TRPM6: variants seen among roughly 807,000 people sequenced by gnomAD.
TRPM6 encodes the protein channel kinase 2.
TRPM6 carries 111 observed loss-of-function variants against 247.6 expected under a neutral mutation model. That is an observed-to-expected ratio of 0.45 (90% CI 0.38 to 0.52). The LOEUF is 0.52. TRPM6 is among the 20% of genes least tolerant of loss of function. TRPM6 has a pLI of 0.00. For missense variants in TRPM6, 2,126 were observed against 2,421.5 expected, an observed-to-expected ratio of 0.88 and a Z score of 2.56; for synonymous variants, 892 against 853.8, an observed-to-expected ratio of 1.04 and a Z score of -0.78.
At chr9:74,785,773 T>C in intron 21 of TRPM6, 101 bp downstream of exon 21, 3 of 1,340,484 alleles carry the variant, frequency 2.2e-6, no homozygotes, top group Non-Finnish European at 3.2e-6. Flanking sequence ...TCCGCCCGCC[T>C]TGGCCTCCCA....
chr9:74,798,012 T>C (rs2118991686), intron 17 of TRPM6, among the ~76,000 whole-genome samples: 1 of 152,314 alleles, frequency 6.6e-6, no homozygotes, highest in South Asian at 2.1e-4. Flanking sequence ...TTTTTCATTA[T>C]ATTGCTATTA....
intron 24 of TRPM6, among the ~76,000 whole-genome samples, chr9:74,773,428 A>G: frequency 6.6e-6 from 1 of 152,234 alleles, no homozygotes; most frequent in Non-Finnish European, 1.5e-5. Context: ...TCACAGCTGT[A>G]TACCTTCTCT....
chr9:74,783,517 C>A (rs1827536153), intron 21 of TRPM6, among the ~76,000 whole-genome samples: 1 of 152,168 alleles, frequency 6.6e-6, no homozygotes. Flanking sequence ...TTTCTCCATC[C>A]CTCTCACTCC....
intron 14 of TRPM6, 136 bp downstream of exon 14, chr9:74,807,898 A>T: frequency 2.1e-6 from 2 of 967,378 alleles, no homozygotes; most frequent in Non-Finnish European, 3.3e-6. Flanking sequence ...TACTTCACAT[A>T]CAGCAGATAA....
intron 24 of TRPM6, among the ~76,000 whole-genome samples, chr9:74,772,641 T>G (rs1476699776): frequency 1.3e-5 from 2 of 151,802 alleles, no homozygotes; most frequent in African/African-American, 4.8e-5. Flanking sequence ...TACCTGTCCT[T>G]TAAGATAGAA....
At chr9:74,860,770 C>T (rs898150360) in intron 1 of TRPM6, among the ~76,000 whole-genome samples, 3 of 152,160 alleles carry the variant, frequency 2.0e-5, no homozygotes, top group African/African-American at 7.2e-5. Flanking sequence ...GTAATCCCAG[C>T]ACTTTGTGAG....
At chr9:74,776,265 A>G (rs1587492832) in intron 23 of TRPM6, 189 bp from the exon 24 acceptor site, 1 of 595,566 alleles carries the variant, frequency 1.7e-6, no homozygotes, top group East Asian at 3.3e-5. Context: ...CTACAATGAA[A>G]CATGCTAATC....
At chr9:74,847,694 T>C (rs1266915284) in intron 3 of TRPM6, among the ~76,000 whole-genome samples, 2 of 151,970 alleles carry the variant, frequency 1.3e-5, no homozygotes, top group Admixed American at 6.6e-5. Flanking sequence ...AAGTCATATA[T>C]ATATAGTCAT....
intron 1 of TRPM6, among the ~76,000 whole-genome samples, chr9:74,864,265 T>A (rs1000767450): frequency 3.3e-5 from 5 of 152,204 alleles, no homozygotes; most frequent in Admixed American, 3.3e-4. Flanking sequence ...TCAGAGTGCC[T>A]CCCTTGAAGC....
chr9:74,880,304 C>T (rs1831322228), intron 1 of TRPM6, among the ~76,000 whole-genome samples: 2 of 152,084 alleles, frequency 1.3e-5, no homozygotes, highest in South Asian at 4.2e-4. Context: ...CTGAAAACCT[C>T]CCAGGTCTAG....
intron 27 of TRPM6, among the ~76,000 whole-genome samples, chr9:74,758,557 G>A (rs1826514625): frequency 6.6e-6 from 1 of 152,032 alleles, no homozygotes; most frequent in Non-Finnish European, 1.5e-5. Flanking sequence ...AGTAGATACA[G>A]AAAAAGCATT....
chr9:74,792,528 T>G (rs187853585), intron 19 of TRPM6, 96 bp downstream of exon 19: 2 of 1,381,138 alleles, frequency 1.4e-6, no homozygotes, highest in African/African-American at 2.8e-5. Context: ...GGTTTCTACA[T>G]TTTTAATGCA....
chr9:74,832,742 A>C (rs548252915), intron 6 of TRPM6, among the ~76,000 whole-genome samples: 5 of 152,312 alleles, frequency 3.3e-5, no homozygotes, highest in African/African-American at 1.2e-4. Flanking sequence ...AATATGTTGC[A>C]AGTTTTCCAA....
intron 5 of TRPM6, among the ~76,000 whole-genome samples, chr9:74,835,010 A>C (rs1829677891): frequency 6.6e-6 from 1 of 152,196 alleles, no homozygotes; most frequent in Non-Finnish European, 1.5e-5. Context: ...AGGAATCGCC[A>C]CACTGTCTTC....
At chr9:74,829,249 G>A (rs953741123) in intron 6 of TRPM6, among the ~76,000 whole-genome samples, 7 of 151,960 alleles carry the variant, frequency 4.6e-5, no homozygotes, top group Non-Finnish European at 7.4e-5. Flanking sequence ...CCAAGATCTC[G>A]CCACTGCACT....
intron 9 of TRPM6, among the ~76,000 whole-genome samples, chr9:74,819,830 T>C (rs1213717421): frequency 6.6e-6 from 1 of 152,192 alleles, no homozygotes; most frequent in Admixed American, 6.5e-5. Context: ...AACATTGTTA[T>C]ACTAAGTGCT....
Position 74,808,151 on chromosome 9 carries a change from T to G in TRPM6, c.1521A>C (p.Arg507=). The part of the protein sequence containing the change: ...VKQHTLLSGY[R]ITLIDIGLVV... ...CTAATCCAATGTCAATCAAGGTTAT[T>G]CGGTAGCCTGAAAGAAGGGTATGCT... Residue 507 remains arginine, a synonymous_variant, in exon 14 of 39, where the codon CGA becomes CGC. Transcript: ENST00000360774. The G allele has an allele frequency of 1.2e-6, 2 of 1,614,006 alleles. No individual in the cohort carries two copies. Among genetic ancestry groups the G allele is most frequent in the Non-Finnish European group, 1.7e-6 (2 of 1,179,924 alleles).
chr9:74,732,521 C>T (rs1267725736), intron 37 of TRPM6, among the ~76,000 whole-genome samples, 164 bp downstream of exon 37: 2 of 152,106 alleles, frequency 1.3e-5, no homozygotes, highest in Admixed American at 1.3e-4. Flanking sequence ...ATTTCCTAAC[C>T]TATGCTTTTT....
chr9:74,750,412 G>A (rs1826204013), intron 30 of TRPM6, among the ~76,000 whole-genome samples: 1 of 152,070 alleles, frequency 6.6e-6, no homozygotes, highest in Non-Finnish European at 1.5e-5. Context: ...CACTGAAAAG[G>A]CAAATGTTTA....
Sources: gnomAD v4.1 joint callset for allele counts (sites outside exome capture counted in the v4.1 genomes callset) on GRCh38, gnomAD v4.1.1 for gene constraint, MANE v1.5 for transcripts, NCBI Gene and HGNC (gene_info 2026-07-23, HGNC 2026-07-21) for gene names.